Variants in MIP observed in about 807,000 individuals in gnomAD.
MIP encodes major intrinsic protein of lens fiber.
MIP carries 14 observed loss-of-function variants against 21.8 expected under a neutral mutation model. The observed-to-expected ratio is 0.64, with a 90% CI of 0.42 to 1.00. The LOEUF is 1.00. Among genes scored for constraint, MIP ranks in the 50% least tolerant of loss-of-function variants. MIP has a pLI of 0.00. For synonymous variants in MIP, 133 were observed against 141.4 expected (o/e 0.94, Z 0.42); for missense variants, 260 against 333.5 (o/e 0.78, Z 1.72).
In MIP at chr12:56,453,668, C is replaced by G. The variant is rs778327521; in HGVS notation, c.448G>C (p.Asp150His). Residue 150 changes from aspartate to histidine, a missense_variant, in exon 2 of 4, where the codon GAC becomes CAC. By Grantham distance (81) the Asp-to-His change is moderately conservative. Coordinates refer to ENST00000652304, the MANE Select transcript of MIP (RefSeq NM_012064.4). Reference sequence around the variant, plus strand: ...CCCAGTTGGCCATTCCGCCTCTCGTCGTATGTGGCAAAGATGCAGAGCACG... The same window carrying G: ...CCCAGTTGGCCATTCCGCCTCTCGTGGTATGTGGCAAAGATGCAGAGCACG... ...QFVLCIFATY[D>H]ERRNGQLGSV... 2 of 1,614,206 alleles carry G rather than the reference C, an allele frequency of 1.2e-6. No homozygotes were observed. The highest frequency in any genetic ancestry group is 4.5e-5 in the East Asian group (2 of 44,880).
chr12:56,454,039 C>T (rs1868713653), intron 1 of MIP, among the ~76,000 whole-genome samples: 1 of 152,226 alleles, frequency 6.6e-6, no homozygotes. Flanking sequence ...AGCTGAAACT[C>T]AAACTCAGGT....
Position 56,454,304 on chromosome 12 carries a change from G to C in MIP, c.310C>G (p.Leu104Val). ...ACAGCAGGTGGGGTAACGCTATACA[G>C]CACAGCGGCCCCAGCCACAGCTCCC... The part of the protein sequence containing the change: ...LLGAVAGAAV[L>V]YSVTPPAVRG... The change falls in exon 1 of 4, where the codon CTG becomes GTG. Residue 104 changes from leucine to valine, a missense_variant. By Grantham distance (32) the Leu-to-Val change is conservative. Coordinates refer to ENST00000652304, the MANE Select transcript of MIP (RefSeq NM_012064.4). 6.2e-7 allele frequency: 1 copy of C among 1,614,082 alleles called. No individual in the cohort carries two copies. Among genetic ancestry groups the C allele is most frequent in the Non-Finnish European group, 8.5e-7 (1 of 1,180,016 alleles).
At position 56,453,687 on chromosome 12, in the gene MIP, G is replaced by A; in HGVS notation, c.429C>T (p.Leu143=). 6.2e-7 allele frequency: 1 copy of A among 1,614,164 alleles called. No individual in the cohort carries two copies. Among genetic ancestry groups the A allele is most frequent in the Non-Finnish European group, 8.5e-7 (1 of 1,180,030 alleles). The change falls in exon 2 of 4, where the codon CTC becomes CTT. Residue 143 remains leucine (L), a synonymous_variant. Coordinates refer to ENST00000652304, the MANE Select transcript of MIP (RefSeq NM_012064.4). ...TCTCGTCGTATGTGGCAAAGATGCA[G>A]AGCACGAACTGGAGCGTCAGGAAGA... is the stretch of plus-strand genomic sequence containing the variant. ...VEIFLTLQFV[L]CIFATYDERR...
At chr12:56,453,792 G>A (rs768991234) in intron 1 of MIP, 37 bp from the exon 2 acceptor site, 1 of 1,598,606 alleles carries the variant, frequency 6.3e-7, no homozygotes, top group East Asian at 2.3e-5. Context: ...AGCTCAGGAG[G>A]GCTGCCACAG....
Position 56,453,602 on chromosome 12 carries a change from G to C in MIP, c.514C>G (p.His172Asp), listed in dbSNP as rs1868688098. The C allele has an allele frequency of 6.2e-7, 1 of 1,614,144 alleles. No individual in the cohort carries two copies. The highest frequency in any genetic ancestry group is 1.7e-5 in the Admixed American group (1 of 60,012). The change falls in exon 2 of 4, where the codon CAC (histidine) becomes GAC (aspartate). Residue 172 changes from histidine to aspartate, a missense_variant. By Grantham distance (81) the His-to-Asp change is moderately conservative. Transcript: ENST00000652304. ...TCCTTCCTGCTTACCCCAAAGAGGTGCCCCAGGGCAAGGGAGAAGCCAACG... is the reference window on the plus strand; with the variant it reads ...TCCTTCCTGCTTACCCCAAAGAGGTCCCCCAGGGCAAGGGAGAAGCCAACG... ...LAVGFSLALG[H>D]LFGMYYTGAG... is the part of the protein sequence containing the mutation.
intron 3 of MIP, 147 bp from the exon 4 acceptor site, chr12:56,451,612 T>C: frequency 1.5e-6 from 1 of 676,458 alleles, no homozygotes; most frequent in Non-Finnish European, 2.6e-6. Flanking sequence ...TTCATCAAAT[T>C]ACTCCTTTAT....
intron 1 of MIP, 25 bp from the exon 2 acceptor site, chr12:56,453,780 A>G (rs781735155): frequency 5.6e-6 from 9 of 1,606,776 alleles, no homozygotes; most frequent in Non-Finnish European, 6.8e-6. Flanking sequence ...AAGAAGAGAG[A>G]CAGCTCAGGA....
chr12:56,455,044 G>C (rs1171600664), upstream of MIP, among the ~76,000 whole-genome samples: 1 of 152,190 alleles, frequency 6.6e-6, no homozygotes, highest in Non-Finnish European at 1.5e-5. Flanking sequence ...TTGGGGCTGA[G>C]CTCCTGGGGG....
At chr12:56,456,099 G>C (rs1868783109), upstream of MIP, among the ~76,000 whole-genome samples, 1 of 152,138 alleles carries the variant, frequency 6.6e-6, no homozygotes, top group Admixed American at 6.6e-5. Flanking sequence ...GAAGTCATTG[G>C]AATCTCCTAT....
rs772559899 is a variant in MIP, at chr12:56,453,085, A to G, written c.593T>C (p.Phe198Ser). 6.2e-7 allele frequency: 1 copy of G among 1,611,530 alleles called. No individual in the cohort carries two copies. The highest frequency in any genetic ancestry group is 1.1e-5 in the South Asian group (1 of 91,020). ...SFAPAILTGN[F>S]TNHWVYWVGP... ...CCCTTCACTCACCCAGTGGTTAGTGAAGTTCCCAGTGAGAATGGCAGGAGC... is the reference window on the plus strand; with the variant it reads ...CCCTTCACTCACCCAGTGGTTAGTGGAGTTCCCAGTGAGAATGGCAGGAGC... The change falls in exon 3 of 4, where the codon TTC (phenylalanine) becomes TCC (serine). Residue 198 changes from phenylalanine to serine, a missense_variant. Coordinates refer to ENST00000652304, the MANE Select transcript of MIP (RefSeq NM_012064.4).
chr12:56,453,467 T>TAG, intron 2 of MIP, 124 bp downstream of exon 2: 3 of 1,082,570 alleles, frequency 2.8e-6, no homozygotes, highest in African/African-American at 1.6e-5. Context: ...TTTGTGCCAG[T>TAG]AGAGAGTGCA....
chr12:56,454,176 C>T, intron 1 of MIP, 78 bp downstream of exon 1: 2 of 1,595,844 alleles, frequency 1.3e-6, no homozygotes, highest in East Asian at 2.2e-5. Context: ...GGAGCTGATT[C>T]ACCTGCACCA....
Position 56,451,152 on chromosome 12 carries a change from C to G in MIP, c.*128G>C, listed in dbSNP as rs1868595517. On this transcript the variant is annotated 3_prime_UTR_variant, in exon 4 of 4. Transcript: ENST00000652304. ...AAAGGAAAAAAAAAAAAAAAACAAC[C>G]ACATACATAAGTTAAAAAATAAAGA... 6 of 734,614 alleles carry G rather than the reference C, an allele frequency of 8.2e-6. No homozygotes were observed. The highest frequency in any genetic ancestry group is 1.3e-5 in the Non-Finnish European group (6 of 446,198). The allele number at this position is 734,614 out of a possible 1,614,324, so 45.5% of individuals were successfully genotyped here.
rs2935008 is a variant in MIP, at chr12:56,451,186, A to C, written c.*94T>G. 1,016,509 of 1,022,970 alleles carry C rather than the reference A, an allele frequency of 0.99. 505,298 individuals carry two copies. Among genetic ancestry groups the C allele is most frequent in the East Asian group, 1 (42,040 of 42,040 alleles). 63.4% of individuals were successfully genotyped at this position (1,022,970 alleles called of 1,614,324 possible). A position where few individuals can be genotyped will look rare whatever the true frequency, so the allele number is the denominator to read the frequency against. On this transcript the variant is annotated 3_prime_UTR_variant, in exon 4 of 4. Coordinates refer to ENST00000652304, the MANE Select transcript of MIP (RefSeq NM_012064.4). ...AAGTTAAAAAATAAAGAAGTACATG[A>C]CCCTCCCCACAGTCTCTTTCTTCAT... is the stretch of plus-strand genomic sequence containing the variant.
chr12:56,454,552 A>G lies in MIP; in HGVS notation c.62T>C (p.Leu21Pro), dbSNP rs1161278653. 1 of 1,613,902 alleles carries G rather than the reference A, an allele frequency of 6.2e-7. No individual in the cohort carries two copies. The highest frequency in any genetic ancestry group is 1.3e-5 in the African/African-American group (1 of 74,926). ...CCCCAGCCCAAAGAAGACATAGAAG[A>G]GGGTGGCAAAGAACTCAGCGAATAT... is the stretch of plus-strand genomic sequence containing the variant. ...RAIFAEFFAT[L>P]FYVFFGLGSS... Residue 21 changes from leucine (L) to proline (P), a missense_variant, in exon 1 of 4, where the codon CTC becomes CCC. Leu to Pro is a moderately conservative substitution (Grantham distance 98). Transcript: ENST00000652304.
chr12:56,455,790 AC>A (rs1164924828), upstream of MIP, among the ~76,000 whole-genome samples: 1 of 152,166 alleles, frequency 6.6e-6, no homozygotes, highest in East Asian at 1.9e-4. Context: ...GGCAAGTCAT[AC>A]CGGCCACAAA....
upstream of MIP, among the ~76,000 whole-genome samples, chr12:56,455,626 G>C (rs2136167654): frequency 6.6e-6 from 1 of 152,288 alleles, no homozygotes; most frequent in African/African-American, 2.4e-5. Context: ...CGATCAAAGA[G>C]AGGGAAAAGG....
upstream of MIP, among the ~76,000 whole-genome samples, chr12:56,456,280 T>A (rs1207166546): frequency 6.6e-6 from 1 of 152,080 alleles, no homozygotes; most frequent in African/African-American, 2.4e-5. Context: ...GGGTAGCACA[T>A]CATGGTGTTA....
intron 3 of MIP, chr12:56,452,838 C>A (rs1858671775): frequency 1.8e-6 from 1 of 570,376 alleles, no homozygotes; most frequent in Admixed American, 2.9e-5. Context: ...AGTGAATACT[C>A]AGTGCATACT....
Sources: allele counts gnomAD v4.1 joint callset (sites outside exome capture counted in the v4.1 genomes callset), GRCh38; gene constraint gnomAD v4.1.1; transcripts MANE v1.5; gene names NCBI Gene and HGNC (gene_info 2026-07-23, HGNC 2026-07-21).